Variants in SYT14 observed in about 807,000 individuals in gnomAD.
SYT14 encodes the protein synaptotagmin-14.
Under a neutral mutation model 74.2 loss-of-function variants are expected in SYT14, and 32 were observed. The observed-to-expected ratio is 0.43, with a 90% CI of 0.33 to 0.58. SYT14 has a LOEUF of 0.58. Ranked by LOEUF, SYT14 falls within the 20% of genes least tolerant of loss-of-function variation. The pLI, the probability that SYT14 is intolerant of heterozygous loss-of-function variation, is 0.05. For synonymous variants in SYT14, 298 were observed against 337.7 expected (o/e 0.88, Z 1.29); for missense variants, 791 against 981.8 (o/e 0.81, Z 2.60).
intron 1 of SYT14, among the ~76,000 whole-genome samples, chr1:209,944,594 TATC>T (rs2078791904): frequency 1.3e-5 from 2 of 152,160 alleles, no homozygotes; most frequent in Admixed American, 6.5e-5. Flanking sequence ...TTAGTAGAAA[TATC>T]ATAGATGAAA....
intron 5 of SYT14, among the ~76,000 whole-genome samples, chr1:210,090,260 C>T (rs1378768340): frequency 2.0e-5 from 3 of 152,110 alleles, no homozygotes; most frequent in Non-Finnish European, 4.4e-5. Context: ...CTTTATTCTC[C>T]TGCCTCATTT....
At chr1:210,094,684 A>G in intron 6 of SYT14, 91 bp downstream of exon 5, 2 of 1,410,170 alleles carry the variant, frequency 1.4e-6, no homozygotes, top group African/African-American at 1.4e-5. Flanking sequence ...AATTGATTTT[A>G]TCACTTATTC....
chr1:210,026,979 C>T (rs2080427105), intron 5 of SYT14, among the ~76,000 whole-genome samples: 1 of 152,048 alleles, frequency 6.6e-6, no homozygotes, highest in African/African-American at 2.4e-5. Flanking sequence ...TTACATTTGA[C>T]TCTTGAATAA....
chr1:210,074,272 GT>G, intron 5 of SYT14, among the ~76,000 whole-genome samples: 1 of 152,256 alleles, frequency 6.6e-6, no homozygotes, highest in African/African-American at 2.4e-5. Flanking sequence ...TTACAATAAG[GT>G]TGATGCTATT....
At position 210,158,838 on chromosome 1, in the gene SYT14, GTATATAT is replaced by G. The variant is rs374859745; in HGVS notation, c.2225-576_2225-570del. 4.1e-3 allele frequency among the ~76,000 whole-genome samples: 620 copies of G among 152,150 alleles called. 3 individuals are homozygous for G. Among genetic ancestry groups the G allele is most frequent in the African/African-American group, 0.014 (591 of 41,516 alleles). On this transcript the variant is annotated intron_variant, in intron 8 of 9. Coordinates refer to ENST00000637265, the Ensembl canonical transcript of SYT14. ...CAGTTTTATCAGTTTGTCCTAAATA[GTATATAT>G]TATATAAGATTATAGCCCCTCATAT...
chr1:210,067,477 G>A (rs2081316974), intron 5 of SYT14, among the ~76,000 whole-genome samples: 1 of 151,828 alleles, frequency 6.6e-6, no homozygotes. Context: ...TTTCAACGAT[G>A]TTTTTCAGTT....
intron 5 of SYT14, among the ~76,000 whole-genome samples, chr1:210,079,837 G>A (rs976293287): frequency 5.3e-5 from 8 of 152,100 alleles, no homozygotes; most frequent in African/African-American, 1.9e-4. Context: ...AAACCAAAAT[G>A]GAATCTGGCA....
chr1:210,049,496 A>T (rs892661585), intron 5 of SYT14, among the ~76,000 whole-genome samples: 1 of 150,558 alleles, frequency 6.6e-6, no homozygotes, highest in Non-Finnish European at 1.5e-5. Flanking sequence ...GGTTTGTTAC[A>T]TAGGTATACA....
At chr1:210,147,042 C>T (rs1233330907) in intron 7 of SYT14, among the ~76,000 whole-genome samples, 2 of 151,824 alleles carry the variant, frequency 1.3e-5, no homozygotes, top group Admixed American at 1.3e-4. Flanking sequence ...AATTGGTCCA[C>T]CATGAATGAC....
At chr1:210,115,219 G>A (rs2082335340) in intron 7 of SYT14, among the ~76,000 whole-genome samples, 1 of 151,432 alleles carries the variant, frequency 6.6e-6, no homozygotes, top group African/African-American at 2.5e-5. Flanking sequence ...TTTTAGGTCA[G>A]GTGTGAGTTG....
intron 7 of SYT14, among the ~76,000 whole-genome samples, chr1:210,151,658 T>C (rs960610044): frequency 2.0e-5 from 3 of 152,128 alleles, no homozygotes; most frequent in Admixed American, 6.5e-5. Flanking sequence ...GGACATGAGA[T>C]TAGCACTTTT....
At chr1:210,163,992 A>C (rs1262629049) in exon 10 of SYT14, 2 of 452,970 alleles carry the variant, frequency 4.4e-6, no homozygotes, top group Non-Finnish European at 4.4e-6. Flanking sequence ...CAAATATGGC[A>C]ATCGACTGGC....
chr1:209,938,765 C>T lies in SYT14; in HGVS notation c.-534+488C>T, dbSNP rs561456596. On this transcript the variant is annotated intron_variant, in intron 1 of 9. Coordinates refer to ENST00000637265, the Ensembl canonical transcript of SYT14. ...CCAGTTTTTTGTCCCATTCCTAACC[C>T]TTCCCTGTGCCCGCTCGGGCTGATG... Among the ~76,000 whole-genome samples the T allele has an allele frequency of 8.7e-4, 133 of 152,208 alleles. 1 individual carries two copies. The highest frequency in any genetic ancestry group is 3.1e-3 in the African/African-American group (129 of 41,540).
intron 2 of SYT14, among the ~76,000 whole-genome samples, chr1:209,961,379 T>C (rs2079073531): frequency 6.6e-6 from 1 of 152,170 alleles, no homozygotes; most frequent in African/African-American, 2.4e-5. Context: ...AGAAGAACAA[T>C]AAAGTAACTT....
intron 5 of SYT14, among the ~76,000 whole-genome samples, chr1:210,058,283 C>T (rs920060096): frequency 4.6e-5 from 7 of 152,150 alleles, no homozygotes; most frequent in Non-Finnish European, 7.4e-5. Context: ...CACTCCCACA[C>T]CATATCAAAT....
At chr1:210,035,503 G>T (rs763274603) in intron 5 of SYT14, among the ~76,000 whole-genome samples, 4 of 151,860 alleles carry the variant, frequency 2.6e-5, no homozygotes, top group Non-Finnish European at 5.9e-5. Flanking sequence ...CCAATGTCTA[G>T]AGGAGTTTTT....
intron 5 of SYT14, among the ~76,000 whole-genome samples, chr1:210,044,092 C>A (rs1158727051): frequency 6.6e-6 from 1 of 152,116 alleles, no homozygotes; most frequent in Non-Finnish European, 1.5e-5. Flanking sequence ...TATTTCATGG[C>A]CTTATCTCCA....
At chr1:210,057,343 A>G (rs2081118757) in intron 5 of SYT14, among the ~76,000 whole-genome samples, 1 of 152,162 alleles carries the variant, frequency 6.6e-6, no homozygotes, top group Non-Finnish European at 1.5e-5. Context: ...CCCAGTTTGA[A>G]ACATTGAACC....
chr1:209,969,906 G>A (rs570132305), intron 2 of SYT14, among the ~76,000 whole-genome samples: 9 of 151,950 alleles, frequency 5.9e-5, no homozygotes, highest in Admixed American at 3.3e-4. Flanking sequence ...TTTTTAATGG[G>A]GTTGTTTTCT....
Sources: allele counts gnomAD v4.1 joint callset (sites outside exome capture counted in the v4.1 genomes callset), GRCh38; gene constraint gnomAD v4.1.1; transcripts MANE v1.5; gene names NCBI Gene and HGNC (gene_info 2026-07-23, HGNC 2026-07-21).